Variants in POLN observed in about 807,000 individuals in gnomAD.
POLN encodes DNA polymerase N.
POLN carries 108 observed loss-of-function variants against 113.5 expected under a neutral mutation model. The observed-to-expected ratio is 0.95, with a 90% CI of 0.81 to 1.12. The LOEUF (loss-of-function observed/expected upper bound fraction) is 1.12. POLN is among the 50% of genes most tolerant of loss of function. The pLI is 0.00. For missense variants in POLN, 1,097 were observed against 1,077.1 expected, an observed-to-expected ratio of 1.02 and a Z score of -0.26; for synonymous variants, 386 against 391.5, an observed-to-expected ratio of 0.99 and a Z score of 0.17.
At position 2,148,672 on chromosome 4, in the gene POLN, C is replaced by A. The variant is rs199762780; in HGVS notation, c.1731+8116G>T. 4.0e-5 allele frequency among the ~76,000 whole-genome samples: 6 copies of A among 149,434 alleles called. 1 individual carries two copies. The South Asian group carries it at 6.3e-4, about 16-fold the overall frequency. On this transcript the variant is annotated intron_variant, in intron 16 of 25. Coordinates refer to ENST00000511885, the MANE Select transcript of POLN (RefSeq NM_181808.4). ...ACAGAGCGAGACTCTGTCCCCCCCC[C>A]AAAAAAAAAAAGTATGTGAATAAAT...
intron 20 of POLN, among the ~76,000 whole-genome samples, chr4:2,094,093 T>C (rs1172559618): frequency 6.6e-6 from 1 of 152,046 alleles, no homozygotes; most frequent in Non-Finnish European, 1.5e-5. Flanking sequence ...ATGCCTGTAA[T>C]CCCAGCACTT....
At chr4:2,121,242 C>A (rs1302490744) in intron 19 of POLN, among the ~76,000 whole-genome samples, 1 of 152,014 alleles carries the variant, frequency 6.6e-6, no homozygotes, top group East Asian at 1.9e-4. Context: ...CGAGGCCAGG[C>A]TGGCCAACAT....
intron 19 of POLN, among the ~76,000 whole-genome samples, chr4:2,102,412 G>C (rs934984508): frequency 4.6e-5 from 7 of 152,166 alleles, no homozygotes; most frequent in Non-Finnish European, 1.0e-4. Context: ...CTGGCCTGGG[G>C]GCTGGCCTGC....
chr4:2,165,611 G>A (rs1295406652), intron 13 of POLN, among the ~76,000 whole-genome samples: 3 of 151,678 alleles, frequency 2.0e-5, no homozygotes, highest in South Asian at 2.1e-4. Context: ...GGGCGATAAC[G>A]ATGTATCAGT....
At chr4:2,214,220 G>A (rs902202172) in intron 3 of POLN, among the ~76,000 whole-genome samples, 43 of 151,808 alleles carry the variant, frequency 2.8e-4, no homozygotes, top group African/African-American at 9.4e-4. Flanking sequence ...TGGGTTACAG[G>A]GCAAGACTCT....
At chr4:2,155,813 G>A (rs1732409322) in intron 16 of POLN, among the ~76,000 whole-genome samples, 1 of 151,850 alleles carries the variant, frequency 6.6e-6, no homozygotes, top group South Asian at 2.1e-4. Context: ...ATATAAAATA[G>A]CATGGCTTTA....
intron 21 of POLN, 57 bp from the exon 22 acceptor site, chr4:2,081,800 C>G (rs1419833856): frequency 6.7e-7 from 1 of 1,490,438 alleles, no homozygotes; most frequent in Non-Finnish European, 9.3e-7. Context: ...ACAGCAGGTG[C>G]AGCTCCCTCG....
Position 2,193,228 on chromosome 4 carries a change from CA to C in POLN, c.996del (p.Phe332LeufsTer14), listed in dbSNP as rs1037748166. 20 of 1,606,630 alleles carry C rather than the reference CA, an allele frequency of 1.2e-5. No homozygotes were observed. The highest frequency in any genetic ancestry group is 1.7e-5 in the Non-Finnish European group (20 of 1,176,378). ...CCATGCTTCCAACTGCCATCATTGC[CA>C]AAAAACTGCAGCACTATTCTCACAA... is the stretch of plus-strand genomic sequence containing the variant. ...KDFVRIVLQF[F>X]GNDGSWKHVA... On this transcript the variant is annotated frameshift_variant, in exon 7 of 26. Coordinates refer to ENST00000511885, the MANE Select transcript of POLN (RefSeq NM_181808.4). LOFTEE classifies it high-confidence loss of function.
chr4:2,225,175 T>A (rs1477134668), intron 3 of POLN, among the ~76,000 whole-genome samples: 1 of 151,992 alleles, frequency 6.6e-6, no homozygotes, highest in Non-Finnish European at 1.5e-5. Context: ...ACATACTAAG[T>A]TGTTAACATG....
At chr4:2,209,350 C>T (rs1733933438) in intron 4 of POLN, among the ~76,000 whole-genome samples, 1 of 151,342 alleles carries the variant, frequency 6.6e-6, no homozygotes, top group South Asian at 2.1e-4. Flanking sequence ...CATGGTGGAG[C>T]ATGCCTGTAA....
intron 17 of POLN, 106 bp from the exon 18 acceptor site, chr4:2,129,362 G>A: frequency 2.8e-6 from 2 of 716,610 alleles, no homozygotes; most frequent in South Asian, 1.8e-5. Flanking sequence ...CCAGAGTTAA[G>A]ATTTTAAATT....
chr4:2,121,426 C>G (rs1731437212), intron 19 of POLN, among the ~76,000 whole-genome samples: 1 of 102,646 alleles, frequency 9.7e-6, no homozygotes, highest in Non-Finnish European at 2.2e-5. Context: ...CAGAGCGAGA[C>G]TCTGTCTCAA....
intron 19 of POLN, among the ~76,000 whole-genome samples, chr4:2,099,087 C>T (rs746463937): frequency 1.6e-4 from 25 of 152,180 alleles, no homozygotes; most frequent in Admixed American, 1.2e-3. Context: ...TGAATCCATA[C>T]GAATTTGGAT....
intron 6 of POLN, among the ~76,000 whole-genome samples, chr4:2,196,177 T>A (rs1203927534): frequency 1.3e-5 from 2 of 152,160 alleles, no homozygotes; most frequent in African/African-American, 4.8e-5. Flanking sequence ...CATGCAATAT[T>A]TGGGACATAC....
intron 19 of POLN, among the ~76,000 whole-genome samples, chr4:2,099,718 T>C (rs1465823914): frequency 6.6e-6 from 1 of 152,204 alleles, no homozygotes; most frequent in Non-Finnish European, 1.5e-5. Flanking sequence ...TCATTCATTG[T>C]GACAAATGTA....
chr4:2,076,312 C>T (rs1730274236), intron 23 of POLN: 1 of 152,592 alleles, frequency 6.6e-6, no homozygotes. Context: ...TGGATTCCGC[C>T]AGGGCGCTGC....
intron 19 of POLN, among the ~76,000 whole-genome samples, chr4:2,096,178 G>T (rs1310566528): frequency 6.6e-6 from 1 of 152,188 alleles, no homozygotes; most frequent in Non-Finnish European, 1.5e-5. Flanking sequence ...ACGTTCCCAG[G>T]TGTCCACAAA....
chr4:2,167,566 C>T (rs1157344182), intron 13 of POLN, among the ~76,000 whole-genome samples: 1 of 152,172 alleles, frequency 6.6e-6, no homozygotes, highest in Non-Finnish European at 1.5e-5. Context: ...AAAGAACTGA[C>T]ATTGCATAGA....
chr4:2,125,949 G>A (rs984489282), intron 19 of POLN, among the ~76,000 whole-genome samples: 9 of 152,176 alleles, frequency 5.9e-5, no homozygotes, highest in South Asian at 2.1e-4. Flanking sequence ...AGTGGGCCCC[G>A]ATTGGGGTGG....
Sources: gnomAD v4.1 joint callset for allele counts (sites outside exome capture counted in the v4.1 genomes callset) on GRCh38, gnomAD v4.1.1 for gene constraint, MANE v1.5 for transcripts, NCBI Gene and HGNC (gene_info 2026-07-23, HGNC 2026-07-21) for gene names.